Variants in MARCHF8 observed in about 807,000 individuals in gnomAD.
The protein encoded by MARCHF8 is E3 ubiquitin-protein ligase MARCHF8.
Under a neutral mutation model 51.6 loss-of-function variants are expected in MARCHF8, and 40 were observed. The ratio of observed to expected loss-of-function variants is 0.77; its 90% CI spans 0.60 to 1.01. MARCHF8 has a LOEUF of 1.01. Ranked by LOEUF, MARCHF8 falls within the 50% of genes least tolerant of loss-of-function variation. MARCHF8 has a pLI of 0.00. For synonymous variants in MARCHF8, 263 were observed against 280.3 expected, an observed-to-expected ratio of 0.94 and a Z score of 0.62; for missense variants, 685 against 708.6, an observed-to-expected ratio of 0.97 and a Z score of 0.38.
chr10:45,547,381 C>G (rs928657658), intron 1 of MARCHF8, among the ~76,000 whole-genome samples: 8 of 152,102 alleles, frequency 5.3e-5, no homozygotes, highest in Admixed American at 2.6e-4. Context: ...AATCAACTTG[C>G]CCAAGCTTTC....
At chr10:45,509,535 G>A (rs1158631091) in intron 2 of MARCHF8, among the ~76,000 whole-genome samples, 1 of 152,056 alleles carries the variant, frequency 6.6e-6, no homozygotes, top group South Asian at 2.1e-4. Flanking sequence ...TTTTTTACTA[G>A]GACATAAGTG....
rs180988197 is a variant in MARCHF8 at position 45,505,924 on chromosome 10, T to C, written c.103-16507A>G. 5.9e-5 allele frequency among the ~76,000 whole-genome samples: 9 copies of C among 152,352 alleles called. 1 individual carries two copies. The highest frequency in any genetic ancestry group is 5.9e-4 in the Admixed American group (9 of 15,310). On this transcript the variant is annotated intron_variant, in intron 2 of 7. Coordinates refer to ENST00000453424, the MANE Select transcript of MARCHF8 (RefSeq NM_001282866.2). ...TTCTGTATTTGCCATGGCCCCATAG[T>C]TGAAATTTCAGAATTGAAGTCATAA...
At chr10:45,508,197 T>C (rs1412813887) in intron 2 of MARCHF8, among the ~76,000 whole-genome samples, 3 of 152,152 alleles carry the variant, frequency 2.0e-5, no homozygotes, top group East Asian at 1.9e-4. Flanking sequence ...CCTGGTAACT[T>C]TTCATTTATG....
intron 2 of MARCHF8, among the ~76,000 whole-genome samples, chr10:45,524,068 T>C (rs2043752177): frequency 6.6e-6 from 1 of 152,248 alleles, no homozygotes; most frequent in Non-Finnish European, 1.5e-5. Context: ...TTGCACATAA[T>C]TTTATCTGCA....
rs118024064 is a variant in MARCHF8 at position 45,482,190 on chromosome 10, C to T, written c.153+7177G>A. 1.6e-3 allele frequency among the ~76,000 whole-genome samples: 245 copies of T among 152,146 alleles called. No homozygotes were observed. In the East Asian group the frequency reaches 0.022, roughly 14 times the overall value. On this transcript the variant is annotated intron_variant, in intron 3 of 7. Coordinates refer to ENST00000453424, the MANE Select transcript of MARCHF8 (RefSeq NM_001282866.2). ...GGACACGAACAAATTGAAAGATATC[C>T]CACGTCCACGGATCAAAAGAATTAG...
At chr10:45,486,511 C>A (rs1050026819) in intron 3 of MARCHF8, among the ~76,000 whole-genome samples, 2 of 152,054 alleles carry the variant, frequency 1.3e-5, no homozygotes, top group Admixed American at 1.3e-4. Context: ...TTGCAGTGAG[C>A]CAAGATTGCA....
chr10:45,591,246 A>C (rs2044677301), intron 1 of MARCHF8, among the ~76,000 whole-genome samples: 2 of 152,206 alleles, frequency 1.3e-5, no homozygotes, highest in African/African-American at 2.4e-5. Context: ...TGGTCTCTTC[A>C]CATGGACGCC....
intron 2 of MARCHF8, among the ~76,000 whole-genome samples, chr10:45,512,295 G>A (rs1443206981): frequency 2.7e-5 from 4 of 149,786 alleles, no homozygotes; most frequent in African/African-American, 7.4e-5. Flanking sequence ...CAGCCACCCC[G>A]TCTGGGAAGT....
At chr10:45,566,010 T>C (rs1236631283) in intron 1 of MARCHF8, among the ~76,000 whole-genome samples, 1 of 152,138 alleles carries the variant, frequency 6.6e-6, no homozygotes, top group Non-Finnish European at 1.5e-5. Flanking sequence ...CACAGCCTCT[T>C]GCACTTGGGA....
At chr10:45,482,196 C>A (rs1176394171) in intron 3 of MARCHF8, among the ~76,000 whole-genome samples, 1 of 152,152 alleles carries the variant, frequency 6.6e-6, no homozygotes, top group African/African-American at 2.4e-5. Flanking sequence ...TATCCCACGT[C>A]CACGGATCAA....
chr10:45,523,374 T>C (rs2043740557), intron 2 of MARCHF8, among the ~76,000 whole-genome samples: 1 of 152,040 alleles, frequency 6.6e-6, no homozygotes, highest in Non-Finnish European at 1.5e-5. Context: ...AAATAAAAAA[T>C]TTAGCCACAT....
At chr10:45,522,986 A>G (rs537302816) in intron 2 of MARCHF8, among the ~76,000 whole-genome samples, 2 of 152,350 alleles carry the variant, frequency 1.3e-5, no homozygotes, top group Admixed American at 1.3e-4. Context: ...TAAAAACACA[A>G]AACTATTTGA....
chr10:45,520,507 T>C (rs185793452), intron 2 of MARCHF8, among the ~76,000 whole-genome samples: 1 of 152,296 alleles, frequency 6.6e-6, no homozygotes, highest in East Asian at 1.9e-4. Flanking sequence ...TACAAAGGTA[T>C]GTGTGGTTCA....
chr10:45,583,092 T>A (rs1355297863), intron 1 of MARCHF8, among the ~76,000 whole-genome samples: 1 of 152,198 alleles, frequency 6.6e-6, no homozygotes, highest in East Asian at 1.9e-4. Flanking sequence ...ATAGGTATTA[T>A]AACAAGAATA....
intron 2 of MARCHF8, among the ~76,000 whole-genome samples, chr10:45,525,792 G>C (rs1040443843): frequency 6.6e-6 from 1 of 152,142 alleles, no homozygotes; most frequent in African/African-American, 2.4e-5. Context: ...CTAGTCATGA[G>C]AAAAATATCA....
chr10:45,465,177 C>T (rs1484883698), intron 3 of MARCHF8, among the ~76,000 whole-genome samples: 1 of 152,160 alleles, frequency 6.6e-6, no homozygotes, highest in African/African-American at 2.4e-5. Context: ...CAGACTCCCA[C>T]GCCAGCCTCG....
intron 2 of MARCHF8, among the ~76,000 whole-genome samples, chr10:45,517,120 A>C (rs1166444492): frequency 6.6e-6 from 1 of 152,206 alleles, no homozygotes; most frequent in Non-Finnish European, 1.5e-5. Flanking sequence ...ATGGACACCA[A>C]ATTTCCCTGG....
In MARCHF8 at chr10:45,460,114, C is replaced by G. The variant is rs17523660; in HGVS notation, c.1270-847G>C. Among the ~76,000 whole-genome samples, 1,500 of 152,256 alleles carry G rather than the reference C, an allele frequency of 9.9e-3. 29 individuals are homozygous for G. The highest frequency in any genetic ancestry group is 0.034 in the African/African-American group (1,430 of 41,530). The stretch of plus-strand genomic sequence containing the variant: ...CATTTTTTTAAGCAGTTTGCACAAG[C>G]CTTCTCTAAATCTGGTTGTTTTCTG... On this transcript the variant is annotated intron_variant, in intron 6 of 7. Coordinates refer to ENST00000453424, the MANE Select transcript of MARCHF8 (RefSeq NM_001282866.2).
chr10:45,497,073 A>C (rs1402181479), intron 2 of MARCHF8, among the ~76,000 whole-genome samples: 1 of 152,120 alleles, frequency 6.6e-6, no homozygotes, highest in East Asian at 1.9e-4. Context: ...TAAGTTCAGG[A>C]GATACAATTA....
Sources: gnomAD v4.1 joint callset for allele counts (sites outside exome capture counted in the v4.1 genomes callset) on GRCh38, gnomAD v4.1.1 for gene constraint, MANE v1.5 for transcripts, NCBI Gene and HGNC (gene_info 2026-07-23, HGNC 2026-07-21) for gene names.